The following SERGEF variants were observed in gnomAD, a reference collection of about 807,000 sequenced individuals.
The protein encoded by SERGEF is secretion-regulating guanine nucleotide exchange factor.
Under a neutral mutation model 50.0 loss-of-function variants are expected in SERGEF, and 51 were observed. That is an observed-to-expected ratio of 1.02 (90% CI 0.81 to 1.29). The LOEUF is 1.29. SERGEF is among the 50% of genes most tolerant of loss of function. SERGEF has a pLI of 0.00. For missense variants in SERGEF, 521 were observed against 557.0 expected, an observed-to-expected ratio of 0.94 and a Z score of 0.65; for synonymous variants, 205 against 212.4, an observed-to-expected ratio of 0.97 and a Z score of 0.30.
At chr11:17,899,630 A>G (rs1292099046) in intron 9 of SERGEF, among the ~76,000 whole-genome samples, 1 of 152,178 alleles carries the variant, frequency 6.6e-6, no homozygotes, top group Non-Finnish European at 1.5e-5. Context: ...CAGATTAGGA[A>G]AGTAACTTAG....
chr11:18,009,719 C>CTAT (rs1233167808), intron 1 of SERGEF, among the ~76,000 whole-genome samples: 118 of 151,752 alleles, frequency 7.8e-4, no homozygotes, highest in African/African-American at 2.5e-3. Flanking sequence ...GGCAATATGT[C>CTAT]TATTATTATT....
At chr11:17,812,832 G>A (rs1849899016) in intron 10 of SERGEF, among the ~76,000 whole-genome samples, 2 of 152,206 alleles carry the variant, frequency 1.3e-5, no homozygotes, top group Non-Finnish European at 2.9e-5. Context: ...AACAGCATGA[G>A]AAAACATGTT....
chr11:18,011,863 G>T (rs1237006523), intron 1 of SERGEF, among the ~76,000 whole-genome samples: 1 of 152,068 alleles, frequency 6.6e-6, no homozygotes, highest in African/African-American at 2.4e-5. Context: ...CGCAGGTCAC[G>T]CCATGCTCTC....
chr11:17,944,517 C>T (rs1852619245), intron 9 of SERGEF, among the ~76,000 whole-genome samples: 2 of 152,192 alleles, frequency 1.3e-5, no homozygotes, highest in South Asian at 4.1e-4. Flanking sequence ...AACAGTTCCT[C>T]AGTCTTAACT....
rs192554201 is a variant in SERGEF at position 17,788,522 on chromosome 11, C to T, written c.1049-109G>A. ...ATAAACCCCAGTTCACTCAGGAAGA[C>T]GCCAAAGCTTAAGGACACATGGCGG... is the stretch of plus-strand genomic sequence containing the variant. On this transcript the variant is annotated intron_variant, in intron 10 of 10. Coordinates refer to ENST00000265965, the MANE Select transcript of SERGEF (RefSeq NM_012139.4). 93 of 927,306 alleles carry T rather than the reference C, an allele frequency of 1.0e-4. 1 individual carries two copies. Among genetic ancestry groups the T allele is most frequent in the Admixed American group, 8.1e-4 (27 of 33,294 alleles). 57.4% of individuals were successfully genotyped at this position (927,306 alleles called of 1,614,324 possible).
chr11:17,879,547 T>C (rs1433982932), intron 9 of SERGEF, among the ~76,000 whole-genome samples: 1 of 152,222 alleles, frequency 6.6e-6, no homozygotes, highest in East Asian at 1.9e-4. Flanking sequence ...TCTACTTCTA[T>C]GAAATCAACT....
intron 10 of SERGEF, among the ~76,000 whole-genome samples, chr11:17,868,217 T>G (rs1470534037): frequency 1.3e-5 from 2 of 152,202 alleles, no homozygotes; most frequent in Non-Finnish European, 2.9e-5. Flanking sequence ...ACTGAACGCC[T>G]TTAACAGTGC....
intron 10 of SERGEF, among the ~76,000 whole-genome samples, chr11:17,874,750 A>AAAC (rs1851211168): frequency 6.6e-6 from 1 of 152,108 alleles, no homozygotes; most frequent in Non-Finnish European, 1.5e-5. Context: ...GGCTGCTTGG[A>AAAC]TGTGCAGATT....
rs760767163 is a variant in SERGEF, at chr11:17,959,534, A to C, written c.947T>G (p.Leu316Arg). Residue 316 changes from leucine (L) to arginine (R), a missense_variant, in exon 9 of 11, where the codon CTC (leucine) becomes CGC (arginine). By Grantham distance (102) the Leu-to-Arg change is moderately radical. Transcript: ENST00000265965. ...GWKLEKQDSFLPCSRPPNSMP... is the reference protein window; with the variant it reads ...GWKLEKQDSFRPCSRPPNSMP... ...GCTGTTCGGTGGTCTTGAACAGGGGAGAAATGAATCTTGCTTTTCTAGTTT... is the reference window on the plus strand; with the variant it reads ...GCTGTTCGGTGGTCTTGAACAGGGGCGAAATGAATCTTGCTTTTCTAGTTT... 5.6e-6 allele frequency: 9 copies of C among 1,614,116 alleles called. 1 individual carries two copies. The South Asian group carries it at 8.8e-5, about 16-fold the overall frequency.
intron 10 of SERGEF, among the ~76,000 whole-genome samples, chr11:17,827,961 T>C (rs1051888803): frequency 6.6e-6 from 1 of 152,184 alleles, no homozygotes; most frequent in Non-Finnish European, 1.5e-5. Flanking sequence ...TCAAGAATGA[T>C]GAGACAAGCC....
At chr11:17,890,624 T>C (rs1190199230) in intron 9 of SERGEF, among the ~76,000 whole-genome samples, 2 of 152,252 alleles carry the variant, frequency 1.3e-5, no homozygotes, top group East Asian at 3.9e-4. Flanking sequence ...TCTTATGATG[T>C]GGCCCAGACT....
chr11:17,923,998 A>G (rs1852206862), intron 9 of SERGEF, among the ~76,000 whole-genome samples: 1 of 152,190 alleles, frequency 6.6e-6, no homozygotes, highest in African/African-American at 2.4e-5. Context: ...AAACTCTCTA[A>G]GCCTCAATTT....
chr11:17,997,710 G>A (rs1001262284), intron 5 of SERGEF, among the ~76,000 whole-genome samples: 5 of 152,114 alleles, frequency 3.3e-5, no homozygotes, highest in African/African-American at 1.2e-4. Flanking sequence ...GTATCTAAAC[G>A]CCGATATATC....
At chr11:17,960,889 G>A (rs1451596850) in intron 8 of SERGEF, among the ~76,000 whole-genome samples, 1 of 152,196 alleles carries the variant, frequency 6.6e-6, no homozygotes, top group Non-Finnish European at 1.5e-5. Flanking sequence ...CGTATATTAT[G>A]AGAGCTGGGA....
chr11:17,817,622 T>C (rs1850003529), intron 10 of SERGEF, among the ~76,000 whole-genome samples: 1 of 152,212 alleles, frequency 6.6e-6, no homozygotes, highest in Non-Finnish European at 1.5e-5. Flanking sequence ...TTAAATTATT[T>C]GATCAATATA....
At position 17,959,648 on chromosome 11, in the gene SERGEF, T is replaced by C. The variant is rs1852956051; in HGVS notation, c.845-12A>G. ...CATCTTGCCAGTTTCTAAAAACAAA[T>C]ATTATTTGAATTAAGACTACATTCC... is the stretch of plus-strand genomic sequence containing the variant. On this transcript the variant is annotated splice_polypyrimidine_tract_variant and intron_variant, in intron 8 of 10. Coordinates refer to ENST00000265965, the MANE Select transcript of SERGEF (RefSeq NM_012139.4). 1 of 1,605,468 alleles carries C rather than the reference T, an allele frequency of 6.2e-7. No individual in the cohort carries two copies. Among genetic ancestry groups the C allele is most frequent in the East Asian group, 2.2e-5 (1 of 44,816 alleles).
chr11:17,930,937 G>A (rs1402909010), intron 9 of SERGEF, among the ~76,000 whole-genome samples: 7 of 152,090 alleles, frequency 4.6e-5, no homozygotes, highest in South Asian at 2.1e-4. Flanking sequence ...CTGAGCTGAC[G>A]TCTGCTACAC....
chr11:17,943,270 T>C (rs1189331907), intron 9 of SERGEF, among the ~76,000 whole-genome samples: 1 of 152,172 alleles, frequency 6.6e-6, no homozygotes, highest in Non-Finnish European at 1.5e-5. Context: ...ACAGATATTC[T>C]GATTTTCTAT....
intron 9 of SERGEF, chr11:17,918,621 A>AAC: frequency 5.5e-6 from 1 of 182,484 alleles, no homozygotes. Context: ...ATAAAGCAGG[A>AAC]ACAGACACAC....
Sources: gnomAD v4.1 joint callset for allele counts (sites outside exome capture counted in the v4.1 genomes callset) on GRCh38, gnomAD v4.1.1 for gene constraint, MANE v1.5 for transcripts, NCBI Gene and HGNC (gene_info 2026-07-23, HGNC 2026-07-21) for gene names.